Variants in SULF2 observed in about 807,000 individuals in gnomAD.
The protein encoded by SULF2 is extracellular sulfatase Sulf-2.
Under a neutral mutation model 107.7 loss-of-function variants are expected in SULF2, and 52 were observed. The observed-to-expected ratio is 0.48, with a 90% confidence interval of 0.39 to 0.61. The LOEUF is 0.61. Ranked by LOEUF, SULF2 falls within the 20% of genes least tolerant of loss-of-function variation. The probability of loss-of-function intolerance (pLI) is 0.00; values close to 1 mark genes in which losing one functional copy is unlikely to be tolerated. For synonymous variants in SULF2, 460 were observed against 464.3 expected (o/e 0.99, Z 0.12); for missense variants, 993 against 1,177.3 (o/e 0.84, Z 2.29).
intron 20 of SULF2, among the ~76,000 whole-genome samples, chr20:47,658,926 GC>G (rs1241824939): frequency 2.0e-5 from 3 of 152,184 alleles, no homozygotes; most frequent in African/African-American, 7.2e-5. Flanking sequence ...GAGCAAACTG[GC>G]CTGCTCCCTT....
chr20:47,732,329 A>G (rs1286653110), intron 3 of SULF2, among the ~76,000 whole-genome samples: 2 of 152,230 alleles, frequency 1.3e-5, no homozygotes, highest in African/African-American at 4.8e-5. Flanking sequence ...CACAGAAGCT[A>G]AATAACTTGT....
In SULF2 at chr20:47,734,169, G is replaced by A. The variant is rs184944872; in HGVS notation, c.415+2534C>T. On this transcript the variant is annotated intron_variant, in intron 3 of 20. Transcript: ENST00000688720. ...ATGGGAAATAAGGAGAAATGGAGTC[G>A]GAGTCTCTGACCACTTCATAGAGCA... 3.4e-3 allele frequency among the ~76,000 whole-genome samples: 515 copies of A among 152,244 alleles called. 2 individuals carry two copies. The highest frequency in any genetic ancestry group is 6.8e-3 in the Middle Eastern group (2 of 294).
At chr20:47,676,207 C>T (rs1027856712) in intron 10 of SULF2, among the ~76,000 whole-genome samples, 10 of 152,232 alleles carry the variant, frequency 6.6e-5, no homozygotes, top group Non-Finnish European at 1.2e-4. Context: ...CTGGGGCCTT[C>T]GTGCAAGAGA....
At chr20:47,724,208 G>C (rs1416907929) in intron 3 of SULF2, among the ~76,000 whole-genome samples, 1 of 152,244 alleles carries the variant, frequency 6.6e-6, no homozygotes, top group African/African-American at 2.4e-5. Flanking sequence ...GAAGTGATGT[G>C]GTCAGGTTTA....
intron 10 of SULF2, 66 bp downstream of exon 10, chr20:47,676,428 C>A: frequency 6.4e-7 from 1 of 1,557,454 alleles, no homozygotes. Context: ...GCTCTCAGAG[C>A]CTCGCAGGTC....
chr20:47,749,138 C>T (rs80206903), intron 2 of SULF2, among the ~76,000 whole-genome samples: 8 of 152,056 alleles, frequency 5.3e-5, no homozygotes, highest in Middle Eastern at 3.4e-3. Context: ...ATGGAAGCTA[C>T]GCAGTAAGTA....
intron 19 of SULF2, 99 bp downstream of exon 19, chr20:47,659,598 A>G (rs2087000293): frequency 7.3e-7 from 1 of 1,360,836 alleles, no homozygotes; most frequent in Non-Finnish European, 1.0e-6. Context: ...AGGGAAGGGC[A>G]GTTTCTCAAG....
intron 3 of SULF2, among the ~76,000 whole-genome samples, chr20:47,706,059 A>G (rs1425538136): frequency 6.6e-6 from 1 of 152,044 alleles, no homozygotes; most frequent in African/African-American, 2.4e-5. Flanking sequence ...TCGGCCTCCC[A>G]AAGTTCTGGG....
chr20:47,772,354 T>C (rs779146811), intron 1 of SULF2, among the ~76,000 whole-genome samples: 1 of 152,172 alleles, frequency 6.6e-6, no homozygotes, highest in Non-Finnish European at 1.5e-5. Flanking sequence ...CAATCAAAAA[T>C]ATCTCCAGAC....
chr20:47,775,020 G>T (rs75814426), intron 1 of SULF2, among the ~76,000 whole-genome samples: 1 of 152,140 alleles, frequency 6.6e-6, no homozygotes, highest in African/African-American at 2.4e-5. Context: ...AGTAAATCCT[G>T]TTCCAGCTTG....
At chr20:47,673,401 A>G (rs2146451964) in intron 10 of SULF2, among the ~76,000 whole-genome samples, 1 of 152,310 alleles carries the variant, frequency 6.6e-6, no homozygotes, top group South Asian at 2.1e-4. Flanking sequence ...ATTCAAGATG[A>G]GGCACACGGA....
intron 1 of SULF2, among the ~76,000 whole-genome samples, chr20:47,776,473 C>G (rs907706277): frequency 6.6e-6 from 1 of 152,168 alleles, no homozygotes; most frequent in Non-Finnish European, 1.5e-5. Flanking sequence ...CTAGCCTGTA[C>G]AAAGTGCTCG....
Position 47,757,364 on chromosome 20 carries a change from C to T in SULF2, c.-1G>A. On this transcript the variant is annotated 5_prime_UTR_variant, in exon 2 of 21. Transcript: ENST00000688720. ...ACAGCACGAGGCTCGGGGGGCCCAT[C>T]TTCTTTTTTTGCTGATCTGGTGCTT... The T allele has an allele frequency of 6.3e-7, 1 of 1,581,456 alleles. No individual in the cohort carries two copies. Among genetic ancestry groups the T allele is most frequent in the Non-Finnish European group, 8.6e-7 (1 of 1,160,222 alleles).
intron 10 of SULF2, chr20:47,672,642 C>T (rs1286134274): frequency 7.6e-6 from 6 of 791,406 alleles, no homozygotes; most frequent in Non-Finnish European, 9.2e-6. Flanking sequence ...CTGCTTCTGT[C>T]TGCTCCTAAA....
chr20:47,696,840 G>A (rs1444089976), intron 4 of SULF2, among the ~76,000 whole-genome samples: 1 of 152,190 alleles, frequency 6.6e-6, no homozygotes, highest in African/African-American at 2.4e-5. Flanking sequence ...ATCCTTTGCC[G>A]AGGATCTTCC....
intron 3 of SULF2, among the ~76,000 whole-genome samples, chr20:47,721,811 A>G (rs1347333339): frequency 6.6e-6 from 1 of 152,302 alleles, no homozygotes; most frequent in Non-Finnish European, 1.5e-5. Flanking sequence ...TGTTCTGATG[A>G]GGCTCTTTCT....
intron 10 of SULF2, among the ~76,000 whole-genome samples, chr20:47,674,405 C>T (rs1015714992): frequency 1.3e-5 from 2 of 152,238 alleles, no homozygotes; most frequent in Admixed American, 1.3e-4. Context: ...GGGCAGTTTG[C>T]CTGAGCCCTG....
chr20:47,714,112 C>T (rs1047494788), intron 3 of SULF2, among the ~76,000 whole-genome samples: 2 of 152,194 alleles, frequency 1.3e-5, no homozygotes, highest in Admixed American at 6.5e-5. Context: ...GTGGAAAGTC[C>T]GTCCTTCCCA....
At chr20:47,677,574 G>C (rs1008728129) in intron 8 of SULF2, among the ~76,000 whole-genome samples, 1 of 152,242 alleles carries the variant, frequency 6.6e-6, no homozygotes, top group African/African-American at 2.4e-5. Flanking sequence ...CTTGAGCTCA[G>C]TGTCAGGCGC....
Sources: allele counts gnomAD v4.1 joint callset (sites outside exome capture counted in the v4.1 genomes callset), GRCh38; gene constraint gnomAD v4.1.1; transcripts MANE v1.5; gene names NCBI Gene and HGNC (gene_info 2026-07-23, HGNC 2026-07-21).